The following LMX1A variants were observed in gnomAD, a reference collection of about 807,000 sequenced individuals.
LMX1A encodes the protein LIM homeobox transcription factor 1-alpha.
A neutral mutation model predicts 49.1 loss-of-function variants in LMX1A; 15 were observed. That is an observed-to-expected ratio of 0.31 (90% CI 0.20 to 0.47). The LOEUF is 0.47. Among genes scored for constraint, LMX1A ranks in the 20% least tolerant of loss-of-function variants. The probability of loss-of-function intolerance (pLI) is 1.00; values close to 1 mark genes in which losing one functional copy is unlikely to be tolerated. For synonymous variants in LMX1A, 167 were observed against 185.7 expected (o/e 0.90, Z 0.82); for missense variants, 372 against 475.8 (o/e 0.78, Z 2.03).
Position 165,343,395 on chromosome 1 carries a change from AAATAATAAT to A in LMX1A, c.263+9672_263+9680del, listed in dbSNP as rs56236301. The stretch of plus-strand genomic sequence containing the variant: ...TATGTATAAGCTTTTACTCATATAT[AAATAATAAT>A]AATAATAATAATAATAATAATAATA... On this transcript the variant is annotated intron_variant, in intron 3 of 8. Transcript: ENST00000342310. 1.6e-3 allele frequency among the ~76,000 whole-genome samples: 239 copies of A among 149,272 alleles called. 1 individual carries two copies. Among genetic ancestry groups the A allele is most frequent in the African/African-American group, 5.1e-3 (207 of 40,610 alleles).
intron 3 of LMX1A, among the ~76,000 whole-genome samples, chr1:165,352,378 C>A (rs1175303887): frequency 6.6e-6 from 1 of 152,214 alleles, no homozygotes; most frequent in Non-Finnish European, 1.5e-5. Context: ...AGGATGGCGG[C>A]ACAGGTTGAA....
At chr1:165,261,401 G>A (rs1430211843) in intron 3 of LMX1A, among the ~76,000 whole-genome samples, 1 of 152,164 alleles carries the variant, frequency 6.6e-6, no homozygotes, top group African/African-American at 2.4e-5. Context: ...AACAGGTGTT[G>A]GATGTAGAGA....
chr1:165,291,183 A>G (rs549867716), intron 3 of LMX1A, among the ~76,000 whole-genome samples: 38 of 152,344 alleles, frequency 2.5e-4, no homozygotes, highest in African/African-American at 8.2e-4. Flanking sequence ...CGCTTGAGTA[A>G]TTAAGCAGCT....
At chr1:165,285,264 A>G (rs1654272222) in intron 3 of LMX1A, among the ~76,000 whole-genome samples, 1 of 152,020 alleles carries the variant, frequency 6.6e-6, no homozygotes. Flanking sequence ...GGAATTCTAG[A>G]CTCCACTTCC....
At chr1:165,242,712 T>TA (rs1380809782) in intron 4 of LMX1A, among the ~76,000 whole-genome samples, 1 of 150,526 alleles carries the variant, frequency 6.6e-6, no homozygotes, top group Non-Finnish European at 1.5e-5. Context: ...CCATCTCTAC[T>TA]AAAAATAAAA....
intron 3 of LMX1A, among the ~76,000 whole-genome samples, chr1:165,341,792 A>C (rs908269188): frequency 6.6e-6 from 1 of 152,154 alleles, no homozygotes; most frequent in Non-Finnish European, 1.5e-5. Flanking sequence ...CCTTTAGTAC[A>C]TGAGTGATTT....
chr1:165,267,403 A>G (rs1311503694), intron 3 of LMX1A, among the ~76,000 whole-genome samples: 1 of 152,158 alleles, frequency 6.6e-6, no homozygotes, highest in Non-Finnish European at 1.5e-5. Flanking sequence ...TGTATGATAG[A>G]CCACATTTTG....
chr1:165,356,333 A>G (rs1053970885), intron 1 of LMX1A, 22 bp downstream of exon 1: 3 of 152,272 alleles, frequency 2.0e-5, no homozygotes, highest in African/African-American at 7.2e-5. Context: ...GCCACAGCCT[A>G]GGCACGGGCA....
chr1:165,231,750 A>C (rs549754004), intron 4 of LMX1A, among the ~76,000 whole-genome samples: 1 of 151,144 alleles, frequency 6.6e-6, no homozygotes, highest in African/African-American at 2.4e-5. Flanking sequence ...CCCCGATGTA[A>C]ACTCATTTAA....
At position 165,273,523 on chromosome 1, in the gene LMX1A, C is replaced by T. The variant is rs572414367; in HGVS notation, c.264-23883G>A. 2.0e-5 allele frequency among the ~76,000 whole-genome samples: 3 copies of T among 152,324 alleles called. No homozygotes were observed. In the East Asian group the frequency reaches 5.8e-4, roughly 29 times the overall value. ...AGCTTGTCAATTGAGACCTCACCTT[C>T]CCATCTGGGATCCTGTATATTGACC... On this transcript the variant is annotated intron_variant, in intron 3 of 8. Coordinates refer to ENST00000342310, the MANE Select transcript of LMX1A (RefSeq NM_177398.4).
rs912877934 is a variant in LMX1A, at chr1:165,284,287, G to T, written c.264-34647C>A. On this transcript the variant is annotated intron_variant, in intron 3 of 8. Coordinates refer to ENST00000342310, the MANE Select transcript of LMX1A (RefSeq NM_177398.4). ...AGCTGTAAATGTATGGATTATTAAC[G>T]GTATTGAGATAGGTGGAATTTTCCA... Among the ~76,000 whole-genome samples, 6 of 152,286 alleles carry T rather than the reference G, an allele frequency of 3.9e-5. No individual in the cohort carries two copies. The East Asian group carries it at 1.2e-3, about 29-fold the overall frequency.
chr1:165,332,110 A>G (rs1387559504), intron 3 of LMX1A, among the ~76,000 whole-genome samples: 1 of 152,154 alleles, frequency 6.6e-6, no homozygotes, highest in Non-Finnish European at 1.5e-5. Flanking sequence ...GAGAACAACC[A>G]CTAAAAAATT....
intron 3 of LMX1A, among the ~76,000 whole-genome samples, chr1:165,333,215 C>T (rs1274307290): frequency 3.3e-5 from 5 of 152,162 alleles, no homozygotes; most frequent in Admixed American, 1.3e-4. Flanking sequence ...TGCCCAGCAA[C>T]GGAGCGATCT....
chr1:165,273,390 C>A (rs1156467580), intron 3 of LMX1A, among the ~76,000 whole-genome samples: 1 of 152,172 alleles, frequency 6.6e-6, no homozygotes, highest in Non-Finnish European at 1.5e-5. Context: ...CCAAGACACA[C>A]AATCTGCATC....
chr1:165,335,209 A>G (rs1046577033), intron 3 of LMX1A, among the ~76,000 whole-genome samples: 12 of 152,172 alleles, frequency 7.9e-5, no homozygotes, highest in Non-Finnish European at 1.5e-4. Context: ...ACAGTTTTGC[A>G]TGGTACCTTC....
chr1:165,245,631 CAA>C (rs10708273), intron 4 of LMX1A, among the ~76,000 whole-genome samples: 4,425 of 142,592 alleles, frequency 0.031, 165 homozygotes, highest in African/African-American at 0.084. Flanking sequence ...CTGACCAGGG[CAA>C]AAAAAAAAAA....
At chr1:165,258,333 G>A (rs1433701266) in intron 3 of LMX1A, among the ~76,000 whole-genome samples, 1 of 152,214 alleles carries the variant, frequency 6.6e-6, no homozygotes, top group African/African-American at 2.4e-5. Flanking sequence ...CTTAGAAGTA[G>A]TGACACAAGC....
At chr1:165,220,412 G>T (rs889178493) in intron 4 of LMX1A, among the ~76,000 whole-genome samples, 2 of 152,206 alleles carry the variant, frequency 1.3e-5, no homozygotes, top group African/African-American at 4.8e-5. Context: ...ACAAAGGACA[G>T]GAAGGAAAGG....
intron 4 of LMX1A, among the ~76,000 whole-genome samples, chr1:165,245,299 A>T (rs1652808024): frequency 6.6e-6 from 1 of 152,002 alleles, no homozygotes; most frequent in Non-Finnish European, 1.5e-5. Flanking sequence ...GAGGTCATTG[A>T]TGCAGTCTTC....
Sources: allele counts gnomAD v4.1 joint callset (sites outside exome capture counted in the v4.1 genomes callset), GRCh38; gene constraint gnomAD v4.1.1; transcripts MANE v1.5; gene names NCBI Gene and HGNC (gene_info 2026-07-23, HGNC 2026-07-21).